STAB2: variants seen among roughly 807,000 people sequenced by gnomAD.
STAB2 encodes the protein stabilin-2.
STAB2 carries 288 observed loss-of-function variants against 338.1 expected under a neutral mutation model. The observed-to-expected ratio is 0.85, with a 90% CI of 0.77 to 0.94. STAB2 has a LOEUF of 0.94. STAB2 is among the 40% of genes least tolerant of loss of function. The pLI, the probability that STAB2 is intolerant of heterozygous loss-of-function variation, is 0.00. For missense variants in STAB2, 3,141 were observed against 3,210.1 expected (o/e 0.98, Z 0.52); for synonymous variants, 1,202 against 1,193.3 (o/e 1.01, Z -0.15).
chr12:103,648,902 A>C, intron 10 of STAB2, 79 bp downstream of exon 10: 2 of 1,560,032 alleles, frequency 1.3e-6, no homozygotes, highest in Non-Finnish European at 8.7e-7. Flanking sequence ...ATGATTCAGA[A>C]AGGGACAGGC....
chr12:103,690,684 A>G, intron 30 of STAB2, 146 bp downstream of exon 30: 1 of 641,514 alleles, frequency 1.6e-6, no homozygotes, highest in South Asian at 2.0e-5. Flanking sequence ...ACCCAGCTGC[A>G]ATAATTATCA....
Position 103,711,375 on chromosome 12 carries a change from CT to C in STAB2, c.4289-94del, listed in dbSNP as rs527957123. On this transcript the variant is annotated intron_variant, in intron 39 of 68. Transcript: ENST00000388887. ...TATATCGCTCACATGATACATATCA[CT>C]TCCAAAGAAGTAGCTTTTCTGAGCA... 2.4e-5 allele frequency: 37 copies of C among 1,517,530 alleles called. No individual in the cohort carries two copies. The East Asian group carries it at 8.3e-4, about 34-fold the overall frequency. The allele number at this position is 1,517,530 out of a possible 1,614,324, so 94.0% of individuals were successfully genotyped here. A position where few individuals can be genotyped will look rare whatever the true frequency, so the allele number is the denominator to read the frequency against.
At chr12:103,646,207 AACCTTC>A (rs1565982196) in intron 9 of STAB2, among the ~76,000 whole-genome samples, 1 of 152,196 alleles carries the variant, frequency 6.6e-6, no homozygotes. Context: ...ACTCATATGC[AACCTTC>A]TAGAATTAAA....
At chr12:103,712,489 C>T (rs1322132748) in intron 41 of STAB2, 46 bp downstream of exon 41, 1 of 1,455,560 alleles carries the variant, frequency 6.9e-7, no homozygotes, top group Non-Finnish European at 9.6e-7. Context: ...AAGGCTTGCA[C>T]AGGCTATTGA....
At chr12:103,723,845 G>C (rs919550222) in intron 44 of STAB2, among the ~76,000 whole-genome samples, 4 of 152,090 alleles carry the variant, frequency 2.6e-5, no homozygotes, top group Admixed American at 6.5e-5. Flanking sequence ...AAGGAGGGGA[G>C]GTTCCTGTGG....
intron 49 of STAB2, 57 bp downstream of exon 49, chr12:103,730,313 C>A: frequency 6.4e-7 from 1 of 1,562,494 alleles, no homozygotes. Context: ...ATTATCATCT[C>A]TATTCTGATT....
Position 103,758,289 on chromosome 12 carries a change from G to A in STAB2, c.7107G>A (p.Glu2369=), listed in dbSNP as rs1884285317. 1 of 1,613,266 alleles carries A rather than the reference G, an allele frequency of 6.2e-7. No individual in the cohort carries two copies. Among genetic ancestry groups the A allele is most frequent in the East Asian group, 2.2e-5 (1 of 44,884 alleles). Residue 2369 remains glutamate (E), a splice_region_variant and synonymous_variant, in exon 64 of 69, where the codon GAG becomes GAA. Coordinates refer to ENST00000388887, the MANE Select transcript of STAB2 (RefSeq NM_017564.10). ...AGAACAGTGGGCTGGGGGAGAATGAGGTGAGTTGAGTCCCTGGTGCCTTTG... is the reference window on the plus strand; with the variant it reads ...AGAACAGTGGGCTGGGGGAGAATGAAGTGAGTTGAGTCCCTGGTGCCTTTG... ...VPQNSGLGEN[E]TLSGRDIEHH...
At position 103,631,707 on chromosome 12, in the gene STAB2, GT is replaced by G; in HGVS notation, c.583+16del. 1 of 1,612,508 alleles carries G rather than the reference GT, an allele frequency of 6.2e-7. No individual in the cohort carries two copies. Among genetic ancestry groups the G allele is most frequent in the Non-Finnish European group, 8.5e-7 (1 of 1,178,528 alleles). On this transcript the variant is annotated intron_variant, in intron 6 of 68. Coordinates refer to ENST00000388887, the MANE Select transcript of STAB2 (RefSeq NM_017564.10). ...AGTGTGACAAGCGTAAGTACTGCTA[GT>G]TCCCTTAATGCCACACCAGATCAAA...
At chr12:103,658,449 G>A (rs1260747020) in intron 15 of STAB2, among the ~76,000 whole-genome samples, 1 of 152,154 alleles carries the variant, frequency 6.6e-6, no homozygotes, top group Non-Finnish European at 1.5e-5. Flanking sequence ...GAGTGATGCG[G>A]ATCAATTTCT....
chr12:103,746,766 T>C, intron 58 of STAB2, 62 bp downstream of exon 58: 3 of 1,535,012 alleles, frequency 2.0e-6, no homozygotes, highest in Non-Finnish European at 2.7e-6. Flanking sequence ...CAGGACTTGC[T>C]CACAGTGCCT....
chr12:103,763,683 G>A (rs1884707847), intron 68 of STAB2, 75 bp downstream of exon 68: 3 of 1,309,754 alleles, frequency 2.3e-6, no homozygotes, highest in South Asian at 2.6e-5. Context: ...AAATTTCAGT[G>A]GAGATCTTTG....
intron 5 of STAB2, among the ~76,000 whole-genome samples, chr12:103,627,732 A>C (rs565190398): frequency 4.6e-5 from 7 of 152,236 alleles, no homozygotes; most frequent in Non-Finnish European, 8.8e-5. Context: ...CCAATACCAC[A>C]CAGCCAGGAG....
At chr12:103,765,091 A>C (rs1361408587) in intron 68 of STAB2, among the ~76,000 whole-genome samples, 4 of 79,328 alleles carry the variant, frequency 5.0e-5, no homozygotes, top group African/African-American at 1.3e-4. Flanking sequence ...TGTCTCAAAA[A>C]AAAAAAAAAA....
At chr12:103,712,595 G>T in intron 41 of STAB2, 152 bp downstream of exon 41, 1 of 663,660 alleles carries the variant, frequency 1.5e-6, no homozygotes. Context: ...TGTGCCTGGG[G>T]ACAGGAAACC....
At chr12:103,718,500 TTC>T (rs10587648) in intron 44 of STAB2, among the ~76,000 whole-genome samples, 18,291 of 152,082 alleles carry the variant, frequency 0.12, 2,176 homozygotes, top group African/African-American at 0.31. Context: ...GTTCTCCCAG[TTC>T]TCTCTCTCTA....
chr12:103,653,710 A>AGATGGATGGATGGATGGATG (rs61343465), intron 12 of STAB2, among the ~76,000 whole-genome samples: 3 of 122,982 alleles, frequency 2.4e-5, no homozygotes, highest in African/African-American at 3.3e-5. Flanking sequence ...ATGGATGGAT[A>AGATGGATGGATGGATGGATG]GATGGATGGA....
rs1396255455 is a variant in STAB2, at chr12:103,640,239, C to T, written c.1023C>T (p.Val341=). 14 of 1,613,150 alleles carry T rather than the reference C, an allele frequency of 8.7e-6. No homozygotes were observed. The highest frequency in any genetic ancestry group is 2.2e-5 in the East Asian group (1 of 44,870). The change falls in exon 9 of 69, where the codon GTC becomes GTT. Residue 341 remains valine (V), a synonymous_variant. Coordinates refer to ENST00000388887, the MANE Select transcript of STAB2 (RefSeq NM_017564.10). ...PCHRNANCTT[V]APGRTECICQ... ...ATAGGAATGCAAATTGCACCACCGT[C>T]GCACCAGGCCGAACTGAGTAAGTCT...
chr12:103,590,963 C>A lies in STAB2; in HGVS notation c.148C>A (p.Leu50Ile), dbSNP rs531331214. 1 of 1,614,066 alleles carries A rather than the reference C, an allele frequency of 6.2e-7. No homozygotes were observed. Among genetic ancestry groups the A allele is most frequent in the Admixed American group, 1.7e-5 (1 of 60,008 alleles). The change falls in exon 2 of 69, where the codon CTT becomes ATT. Residue 50 changes from leucine (L) to isoleucine (I), a missense_variant. Coordinates refer to ENST00000388887, the MANE Select transcript of STAB2 (RefSeq NM_017564.10). ...CGAGTGCCGATCCTGCGCTCTCAAC[C>A]TTGGAGTCAAGTGCCCGGATGGTTA... ...RTECRSCALN[L>I]GVKCPDGYTM...
At chr12:103,664,660 TG>T (rs1874918177) in intron 18 of STAB2, among the ~76,000 whole-genome samples, 1 of 152,220 alleles carries the variant, frequency 6.6e-6, no homozygotes, top group African/African-American at 2.4e-5. Flanking sequence ...TTTATTGTTT[TG>T]TTTTACTGAT....
Sources: gnomAD v4.1 joint callset for allele counts (sites outside exome capture counted in the v4.1 genomes callset) on GRCh38, gnomAD v4.1.1 for gene constraint, MANE v1.5 for transcripts, NCBI Gene and HGNC (gene_info 2026-07-23, HGNC 2026-07-21) for gene names.